The following KCNU1 variants were observed in gnomAD, a reference collection of about 807,000 sequenced individuals.
KCNU1 encodes potassium channel subfamily U member 1.
KCNU1 carries 93 observed loss-of-function variants against 126.8 expected under a neutral mutation model. That is an observed-to-expected ratio of 0.73 (90% confidence interval 0.62 to 0.87). The LOEUF is 0.87. KCNU1 is among the 40% of genes least tolerant of loss of function. The pLI is 0.00. For synonymous variants in KCNU1, 523 were observed against 494.2 expected (o/e 1.06, Z -0.77); for missense variants, 1,330 against 1,367.1 (o/e 0.97, Z 0.43).
rs961714882 is a variant in KCNU1 at position 36,935,757 on chromosome 8, C to A, written c.3287C>A (p.Thr1096Asn). Residue 1096 changes from threonine (T) to asparagine (N), a missense_variant, in exon 27 of 27, where the codon ACT becomes AAT. Thr to Asn is a moderately conservative substitution (Grantham distance 65). This residue lies in a region of KCNU1 where 1,054 missense variants were observed against 1,053.9 expected (regional missense o/e 1.00). Transcript: ENST00000399881. ...YSPVYSYQPRTNSLSFPKQIA... is the reference protein window; with the variant it reads ...YSPVYSYQPRNNSLSFPKQIA... The stretch of plus-strand genomic sequence containing the variant: ...CCAGTCTATTCTTACCAGCCGAGAA[C>A]TAACTCCCTCTCTTTTCCTAAGCAA... 6.2e-7 allele frequency: 1 copy of A among 1,613,546 alleles called. No individual in the cohort carries two copies. The highest frequency in any genetic ancestry group is 1.3e-5 in the African/African-American group (1 of 75,024).
intron 11 of KCNU1, among the ~76,000 whole-genome samples, chr8:36,834,341 A>G (rs919245305): frequency 1.3e-5 from 2 of 152,174 alleles, no homozygotes; most frequent in Non-Finnish European, 2.9e-5. Flanking sequence ...ATTTTCTAGA[A>G]CTTTGAAATT....
chr8:36,881,101 AG>A lies in KCNU1; in HGVS notation c.2009+16584del, dbSNP rs533722233. Among the ~76,000 whole-genome samples the A allele has an allele frequency of 1.4e-4, 21 of 152,322 alleles. No homozygotes were observed. In the South Asian group the frequency reaches 4.4e-3, roughly 32 times the overall value. On this transcript the variant is annotated intron_variant, in intron 19 of 26. Coordinates refer to ENST00000399881, the MANE Select transcript of KCNU1 (RefSeq NM_001031836.3). ...ACACACTGAAGGGCAATGTGCCCTT[AG>A]GGGTCATTAGCTGCCGCCACTGACA...
intron 21 of KCNU1, 26 bp from the exon 22 acceptor site, chr8:36,910,904 C>G: frequency 2.7e-4 from 368 of 1,346,288 alleles, no homozygotes; most frequent in Non-Finnish European, 3.5e-4. Context: ...CCGACCAGTG[C>G]CTCCTCTCTC....
At chr8:36,807,006 C>T (rs545562449) in intron 5 of KCNU1, among the ~76,000 whole-genome samples, 8 of 152,182 alleles carry the variant, frequency 5.3e-5, no homozygotes, top group African/African-American at 1.7e-4. Flanking sequence ...TTTTGCTCTC[C>T]GTTCTAAAGA....
intron 15 of KCNU1, 30 bp from the exon 16 acceptor site, chr8:36,840,902 C>T: frequency 1.3e-6 from 2 of 1,529,426 alleles, no homozygotes. Context: ...ACCGCTTGCT[C>T]TCCTTTTGAC....
In KCNU1 at chr8:36,918,626, C is replaced by T. The variant is rs569709998; in HGVS notation, c.2522-197C>T. ...CACACACACACATACACACTCCCCT[C>T]CCCACATTTATCTAAAGGAGATGCT... On this transcript the variant is annotated intron_variant, in intron 22 of 26. Transcript: ENST00000399881. Among the ~76,000 whole-genome samples, 7 of 151,912 alleles carry T rather than the reference C, an allele frequency of 4.6e-5. 1 individual carries two copies. The East Asian group carries it at 1.2e-3, about 25-fold the overall frequency.
intron 19 of KCNU1, among the ~76,000 whole-genome samples, chr8:36,889,666 T>C (rs1319913421): frequency 6.6e-6 from 1 of 151,972 alleles, no homozygotes; most frequent in Non-Finnish European, 1.5e-5. Context: ...TATGCATAAC[T>C]GGAATATGAG....
At chr8:36,814,547 C>T in intron 8 of KCNU1, 170 bp downstream of exon 8, 1 of 577,034 alleles carries the variant, frequency 1.7e-6, no homozygotes. Flanking sequence ...AAACTGCATC[C>T]CCTGGAGCTC....
At chr8:36,850,206 A>G (rs1805291625) in intron 18 of KCNU1, among the ~76,000 whole-genome samples, 1 of 152,162 alleles carries the variant, frequency 6.6e-6, no homozygotes, top group African/African-American at 2.4e-5. Flanking sequence ...TTCTAAATAC[A>G]TAGTCCCTTA....
chr8:36,836,345 A>G lies in KCNU1; in HGVS notation c.1345A>G (p.Ile449Val). The change falls in exon 13 of 27, where the codon ATA becomes GTA. Residue 449 changes from isoleucine to valine, a missense_variant. Around this residue, in one of 3 missense-constraint regions of KCNU1, gnomAD observed 1,054 missense variants for 1,053.9 expected, o/e 1.00. Coordinates refer to ENST00000399881, the MANE Select transcript of KCNU1 (RefSeq NM_001031836.3). ...YDSTTRIIIQILQSHNKVYLP... is the reference protein window; with the variant it reads ...YDSTTRIIIQVLQSHNKVYLP... Reference sequence around the variant, plus strand: ...TTCTACCACCAGAATCATCATACAGATACTGCAATCCCATAACAAGGTATA... The same window carrying G: ...TTCTACCACCAGAATCATCATACAGGTACTGCAATCCCATAACAAGGTATA... The G allele has an allele frequency of 6.2e-7, 1 of 1,603,246 alleles. No homozygotes were observed. The highest frequency in any genetic ancestry group is 8.5e-7 in the Non-Finnish European group (1 of 1,171,168).
At chr8:36,929,435 A>AAG (rs71547667) in intron 24 of KCNU1, among the ~76,000 whole-genome samples, 5 of 149,280 alleles carry the variant, frequency 3.3e-5, no homozygotes, top group Admixed American at 6.7e-5. Context: ...ACAAAAAAAA[A>AAG]CCATGAATTG....
intron 18 of KCNU1, among the ~76,000 whole-genome samples, chr8:36,859,706 G>A (rs1242405106): frequency 6.6e-6 from 1 of 152,086 alleles, no homozygotes; most frequent in Non-Finnish European, 1.5e-5. Context: ...TTTTACAGAG[G>A]AAACATAGAG....
chr8:36,809,395 G>C (rs1803624821), intron 7 of KCNU1, among the ~76,000 whole-genome samples: 1 of 152,168 alleles, frequency 6.6e-6, no homozygotes, highest in African/African-American at 2.4e-5. Flanking sequence ...GAAATTGATG[G>C]GAGATGTTAA....
chr8:36,831,236 T>C (rs1310599204), intron 10 of KCNU1, among the ~76,000 whole-genome samples: 22 of 152,130 alleles, frequency 1.4e-4, no homozygotes, highest in African/African-American at 4.6e-4. Context: ...CATGTGTCTT[T>C]ATAGCAGCAT....
intron 3 of KCNU1, among the ~76,000 whole-genome samples, chr8:36,804,970 TG>T (rs1280519307): frequency 2.6e-5 from 4 of 152,202 alleles, no homozygotes; most frequent in African/African-American, 7.2e-5. Flanking sequence ...AAACAAATTA[TG>T]GGTAATTTTC....
intron 23 of KCNU1, 40 bp from the exon 24 acceptor site, chr8:36,922,450 C>T (rs772266869): frequency 1.9e-6 from 3 of 1,593,346 alleles, no homozygotes; most frequent in African/African-American, 1.3e-5. Flanking sequence ...TATTCTTAAC[C>T]TGATCTGCTT....
At chr8:36,858,188 A>C (rs1038376500) in intron 18 of KCNU1, among the ~76,000 whole-genome samples, 5 of 151,764 alleles carry the variant, frequency 3.3e-5, no homozygotes, top group African/African-American at 1.2e-4. Flanking sequence ...AAAAAAAAAA[A>C]AAAAAAAAAA....
At chr8:36,885,829 G>A (rs1168118164) in intron 19 of KCNU1, among the ~76,000 whole-genome samples, 2 of 151,976 alleles carry the variant, frequency 1.3e-5, no homozygotes, top group Non-Finnish European at 2.9e-5. Context: ...TACAATCAGA[G>A]CATTCTCCAT....
intron 19 of KCNU1, among the ~76,000 whole-genome samples, chr8:36,881,233 T>A (rs1306296530): frequency 2.0e-5 from 3 of 152,176 alleles, no homozygotes; most frequent in Admixed American, 6.5e-5. Flanking sequence ...GCCAGCCAAC[T>A]GTTTTTTTGT....
Sources: allele counts gnomAD v4.1 joint callset (sites outside exome capture counted in the v4.1 genomes callset), GRCh38; gene constraint gnomAD v4.1.1; regional missense constraint gnomAD v4.1.1; transcripts MANE v1.5; gene names NCBI Gene and HGNC (gene_info 2026-07-23, HGNC 2026-07-21).